The following B3GALT1 variants were observed in gnomAD, a reference collection of about 807,000 sequenced individuals.
B3GALT1 encodes UDP-Gal:betaGlcNAc beta 1,3-galactosyltransferase, polypeptide 1.
B3GALT1 carries 10 observed loss-of-function variants against 23.2 expected under a neutral mutation model. The ratio of observed to expected loss-of-function variants is 0.43; its 90% CI spans 0.27 to 0.73. B3GALT1 has a LOEUF of 0.73. Among genes scored for constraint, B3GALT1 ranks in the 30% least tolerant of loss-of-function variants. The pLI, the probability that B3GALT1 is intolerant of heterozygous loss-of-function variation, is 0.21. For missense variants in B3GALT1, 299 were observed against 405.4 expected (o/e 0.74, Z 2.25); for synonymous variants, 156 against 141.5 (o/e 1.10, Z -0.73).
At chr2:167,600,386 A>C (rs1002100360) in intron 2 of B3GALT1, among the ~76,000 whole-genome samples, 1 of 152,242 alleles carries the variant, frequency 6.6e-6, no homozygotes, top group Non-Finnish European at 1.5e-5. Context: ...TATAATTCTC[A>C]TACCACAGAA....
At chr2:167,499,386 G>A (rs1699820522) in intron 2 of B3GALT1, among the ~76,000 whole-genome samples, 1 of 151,876 alleles carries the variant, frequency 6.6e-6, no homozygotes. Context: ...TTTATTTCTT[G>A]GAAGGGAAAA....
chr2:167,777,180 A>T (rs1688176021), intron 3 of B3GALT1, among the ~76,000 whole-genome samples: 1 of 152,228 alleles, frequency 6.6e-6, no homozygotes, highest in African/African-American at 2.4e-5. Context: ...GGAAAAATAG[A>T]GTTTATAATA....
At chr2:167,701,552 A>C (rs1686882288) in intron 3 of B3GALT1, among the ~76,000 whole-genome samples, 1 of 152,192 alleles carries the variant, frequency 6.6e-6, no homozygotes, top group Non-Finnish European at 1.5e-5. Flanking sequence ...CAATAAAAAT[A>C]AGTTATGTCT....
At chr2:167,773,935 G>A (rs531673634) in intron 3 of B3GALT1, among the ~76,000 whole-genome samples, 1 of 152,320 alleles carries the variant, frequency 6.6e-6, no homozygotes, top group African/African-American at 2.4e-5. Flanking sequence ...TTTTCAGTGA[G>A]CTAATTGAAA....
At chr2:167,669,090 T>C (rs1032566770) in intron 3 of B3GALT1, among the ~76,000 whole-genome samples, 1 of 152,154 alleles carries the variant, frequency 6.6e-6, no homozygotes, top group Admixed American at 6.5e-5. Flanking sequence ...CCGCAAAACA[T>C]GTAGCTTCTA....
In B3GALT1 at chr2:167,377,379, A is replaced by G. The variant is rs557712444; in HGVS notation, c.-511+84045A>G. ...GGTCAGGTGTTGAGTTTAAGTCCAG[A>G]ATTTCTTTGTTTTGTGCCTCAGTAA... On this transcript the variant is annotated intron_variant, in intron 1 of 4. Transcript: ENST00000392690. Among the ~76,000 whole-genome samples, 76 of 151,940 alleles carry G rather than the reference A, an allele frequency of 5.0e-4. No individual in the cohort carries two copies. The South Asian group carries it at 0.014, about 29-fold the overall frequency.
At chr2:167,676,341 G>A (rs1027602908) in intron 3 of B3GALT1, among the ~76,000 whole-genome samples, 1 of 152,100 alleles carries the variant, frequency 6.6e-6, no homozygotes, top group Non-Finnish European at 1.5e-5. Context: ...AGGTTTCAGA[G>A]AAGCAGAAAG....
chr2:167,357,444 A>T (rs1697434200), intron 1 of B3GALT1, among the ~76,000 whole-genome samples: 2 of 152,124 alleles, frequency 1.3e-5, no homozygotes, highest in South Asian at 4.1e-4. Flanking sequence ...CCGACATATA[A>T]TTGTACTGAC....
intron 2 of B3GALT1, among the ~76,000 whole-genome samples, chr2:167,623,230 A>G (rs1685290022): frequency 6.6e-6 from 1 of 152,112 alleles, no homozygotes; most frequent in South Asian, 2.1e-4. Flanking sequence ...AGGATATAGA[A>G]CCAGAAATAC....
intron 1 of B3GALT1, among the ~76,000 whole-genome samples, chr2:167,445,061 T>G (rs1249150217): frequency 6.6e-6 from 1 of 152,232 alleles, no homozygotes; most frequent in African/African-American, 2.4e-5. Context: ...TCTGGTATGT[T>G]GTGTCTTTGT....
chr2:167,588,910 C>G (rs1484605008), intron 2 of B3GALT1, among the ~76,000 whole-genome samples: 6 of 147,218 alleles, frequency 4.1e-5, no homozygotes, highest in African/African-American at 1.5e-4. Context: ...TCCTTCCGTC[C>G]CTCCTTCCCT....
rs950659652 is a variant in B3GALT1 at position 167,428,345 on chromosome 2, A to T, written c.-510-61832A>T. On this transcript the variant is annotated intron_variant, in intron 1 of 4. Coordinates refer to ENST00000392690, the MANE Select transcript of B3GALT1 (RefSeq NM_020981.4). The stretch of plus-strand genomic sequence containing the variant: ...TGGAAGGCCCTGTGGCATGCCAGAA[A>T]TTTTTTTTGTCATTCCTAATTCAAG... 4.6e-5 allele frequency among the ~76,000 whole-genome samples: 7 copies of T among 152,166 alleles called. No homozygotes were observed. In the East Asian group the frequency reaches 5.8e-4, roughly 13 times the overall value.
rs190630685 is a variant in B3GALT1, at chr2:167,855,478, A to T, written c.-229-13333A>T. Reference sequence around the variant, plus strand: ...AGTGAGATTGTATACATTATTTGTAAAACACTGTATAGACTGTCACATACA... The same window carrying T: ...AGTGAGATTGTATACATTATTTGTATAACACTGTATAGACTGTCACATACA... On this transcript the variant is annotated intron_variant, in intron 4 of 4. Transcript: ENST00000392690. Among the ~76,000 whole-genome samples, 5 of 152,296 alleles carry T rather than the reference A, an allele frequency of 3.3e-5. No homozygotes were observed. In the East Asian group the frequency reaches 9.6e-4, roughly 29 times the overall value.
intron 2 of B3GALT1, among the ~76,000 whole-genome samples, chr2:167,517,544 T>C (rs192384360): frequency 6.6e-6 from 1 of 152,056 alleles, no homozygotes; most frequent in Non-Finnish European, 1.5e-5. Context: ...TATTTTCTGT[T>C]TTATAAGTAA....
In B3GALT1 at chr2:167,487,432, A is replaced by G. The variant is rs1377054278; in HGVS notation, c.-510-2745A>G. Among the ~76,000 whole-genome samples the G allele has an allele frequency of 2.0e-5, 3 of 152,194 alleles. No individual in the cohort carries two copies. In the East Asian group the frequency reaches 5.8e-4, roughly 29 times the overall value. On this transcript the variant is annotated intron_variant, in intron 1 of 4. Coordinates refer to ENST00000392690, the MANE Select transcript of B3GALT1 (RefSeq NM_020981.4). ...CCTCTTAGAGTATTCTTTAACAGAT[A>G]TTGGTTTCCTTCTAGACAGTTTCAC...
intron 1 of B3GALT1, among the ~76,000 whole-genome samples, chr2:167,337,729 C>T (rs1697082032): frequency 6.6e-6 from 1 of 152,116 alleles, no homozygotes; most frequent in Admixed American, 6.6e-5. Flanking sequence ...TAGGTACTTA[C>T]AGCCATGTAA....
intron 2 of B3GALT1, among the ~76,000 whole-genome samples, chr2:167,576,284 T>A (rs1684382530): frequency 6.6e-6 from 1 of 151,786 alleles, no homozygotes; most frequent in Non-Finnish European, 1.5e-5. Context: ...AATCAAAATG[T>A]CAAAACTTAC....
chr2:167,627,012 T>A (rs902589720), intron 2 of B3GALT1, among the ~76,000 whole-genome samples: 1 of 151,712 alleles, frequency 6.6e-6, no homozygotes, highest in East Asian at 1.9e-4. Flanking sequence ...TCTGCCTAGA[T>A]GAATGCTCCA....
intron 3 of B3GALT1, among the ~76,000 whole-genome samples, chr2:167,686,569 TTTTG>T (rs1465355124): frequency 2.0e-5 from 3 of 152,160 alleles, no homozygotes; most frequent in Non-Finnish European, 4.4e-5. Flanking sequence ...TATTTGATGA[TTTTG>T]TTTTTGTTTT....
Sources: allele counts gnomAD v4.1 joint callset (sites outside exome capture counted in the v4.1 genomes callset), GRCh38; gene constraint gnomAD v4.1.1; transcripts MANE v1.5; gene names NCBI Gene and HGNC (gene_info 2026-07-23, HGNC 2026-07-21).